SGSM1: variants seen among roughly 807,000 people sequenced by gnomAD.
SGSM1 encodes the protein RUN and TBC1 domain containing 2.
Under a neutral mutation model 133.8 loss-of-function variants are expected in SGSM1, and 73 were observed. The ratio of observed to expected loss-of-function variants is 0.55; its 90% CI spans 0.45 to 0.66. SGSM1 has a LOEUF of 0.66. Ranked by LOEUF, SGSM1 falls within the 30% of genes least tolerant of loss-of-function variation. SGSM1 has a pLI of 0.00. For synonymous variants in SGSM1, 563 were observed against 573.0 expected (o/e 0.98, Z 0.25); for missense variants, 1,213 against 1,448.1 (o/e 0.84, Z 2.64).
chr22:24,864,987 A>G (rs1683016744), intron 9 of SGSM1, among the ~76,000 whole-genome samples: 1 of 152,212 alleles, frequency 6.6e-6, no homozygotes. Context: ...GAATAAGCAT[A>G]TAGGGAGAAT....
intron 5 of SGSM1, among the ~76,000 whole-genome samples, chr22:24,853,699 C>A (rs905084630): frequency 6.6e-6 from 1 of 151,650 alleles, no homozygotes; most frequent in Non-Finnish European, 1.5e-5. Context: ...CTCCGCCTCC[C>A]AGGTTCACGC....
At chr22:24,886,385 AGC>A (rs1226142200) in intron 15 of SGSM1, among the ~76,000 whole-genome samples, 1 of 98,536 alleles carries the variant, frequency 1.0e-5, no homozygotes, top group African/African-American at 4.2e-5. Context: ...TGGGTGACAG[AGC>A]GCTCTGTCTC....
At chr22:24,882,370 C>T (rs1055220453) in intron 14 of SGSM1, among the ~76,000 whole-genome samples, 19 of 152,096 alleles carry the variant, frequency 1.2e-4, no homozygotes, top group Non-Finnish European at 1.8e-4. Flanking sequence ...GTGCCCCGCC[C>T]TGTTTTTTAT....
chr22:24,822,372 G>A (rs1047775787), intron 2 of SGSM1, among the ~76,000 whole-genome samples: 2 of 152,062 alleles, frequency 1.3e-5, no homozygotes, highest in South Asian at 2.1e-4. Context: ...GATTACAGGC[G>A]TGAGCCACCG....
At chr22:24,913,778 G>T (rs1225792699) in intron 22 of SGSM1, among the ~76,000 whole-genome samples, 1 of 152,204 alleles carries the variant, frequency 6.6e-6, no homozygotes, top group Admixed American at 6.5e-5. Flanking sequence ...CCAGCACTTT[G>T]GGAGGCAGAG....
intron 2 of SGSM1, among the ~76,000 whole-genome samples, chr22:24,839,798 A>G (rs1423466564): frequency 6.6e-6 from 1 of 152,038 alleles, no homozygotes; most frequent in Non-Finnish European, 1.5e-5. Context: ...TTCTCTTATA[A>G]TGGTTTTTTC....
intron 19 of SGSM1, among the ~76,000 whole-genome samples, chr22:24,899,325 A>C (rs907964406): frequency 6.6e-6 from 1 of 151,966 alleles, no homozygotes; most frequent in African/African-American, 2.4e-5. Context: ...CTGTGTGTCC[A>C]AGGACTTCTC....
chr22:24,924,281 C>T lies in SGSM1; in HGVS notation c.*7C>T, dbSNP rs756101598. ...TCTGATTGAGAACAAGTGAGGGGCA[C>T]CTCACCCCGGCAGCCTCAGCCAAGC... On this transcript the variant is annotated 3_prime_UTR_variant, in exon 25 of 25. Coordinates refer to ENST00000400358, the MANE Select transcript of SGSM1 (RefSeq NM_001098497.3). The T allele has an allele frequency of 1.3e-5, 21 of 1,613,120 alleles. No individual in the cohort carries two copies. Among genetic ancestry groups the T allele is most frequent in the Non-Finnish European group, 1.8e-5 (21 of 1,179,450 alleles).
At chr22:24,883,344 A>T (rs1355284019) in intron 14 of SGSM1, among the ~76,000 whole-genome samples, 2 of 152,212 alleles carry the variant, frequency 1.3e-5, no homozygotes, top group Admixed American at 6.5e-5. Flanking sequence ...ATTCAGCTGC[A>T]ATTTGAACAG....
chr22:24,894,994 GA>G (rs1341021501), intron 17 of SGSM1, among the ~76,000 whole-genome samples: 1 of 152,220 alleles, frequency 6.6e-6, no homozygotes, highest in Non-Finnish European at 1.5e-5. Flanking sequence ...TTGCAGAGGT[GA>G]GAGGTGGGAA....
At chr22:24,902,313 G>T (rs113741026) in intron 20 of SGSM1, among the ~76,000 whole-genome samples, 1 of 152,190 alleles carries the variant, frequency 6.6e-6, no homozygotes, top group African/African-American at 2.4e-5. Context: ...GTCTCTGGCT[G>T]TAGAATCTGT....
At chr22:24,842,605 G>C (rs1041524789) in intron 2 of SGSM1, among the ~76,000 whole-genome samples, 2 of 152,166 alleles carry the variant, frequency 1.3e-5, no homozygotes, top group Non-Finnish European at 2.9e-5. Context: ...CCCTCATGGG[G>C]ATCAGAGCCT....
chr22:24,840,977 A>C lies in SGSM1; in HGVS notation c.64-3920A>C, dbSNP rs1601910435. On this transcript the variant is annotated intron_variant, in intron 2 of 24. Coordinates refer to ENST00000400358, the MANE Select transcript of SGSM1 (RefSeq NM_001098497.3). ...ACCATTCTCTTGCCTCAGCCTCTCG[A>C]GTAGCTGGGACTACAGGCGCCCACC... 8.5e-5 allele frequency among the ~76,000 whole-genome samples: 13 copies of C among 152,182 alleles called. No homozygotes were observed. In the South Asian group the frequency reaches 2.7e-3, roughly 32 times the overall value.
intron 3 of SGSM1, among the ~76,000 whole-genome samples, chr22:24,845,959 T>TTCTTTCTTTCTC (rs1220332151): frequency 0.01 from 1,096 of 105,030 alleles, 32 homozygotes; most frequent in African/African-American, 0.033. Context: ...CTTTCTTTCT[T>TTCTTTCTTTCTC]TCTTTCTTTC....
intron 2 of SGSM1, chr22:24,844,115 C>T (rs1386610102): frequency 6.6e-6 from 1 of 152,186 alleles, no homozygotes; most frequent in East Asian, 1.9e-4. Flanking sequence ...GAGCATCTGC[C>T]CTGTGCCAGG....
chr22:24,850,507 G>A (rs184744304), intron 5 of SGSM1, 75 bp downstream of exon 5: 14 of 1,554,124 alleles, frequency 9.0e-6, no homozygotes, highest in African/African-American at 8.2e-5. Context: ...GCACCCCCTG[G>A]CACAAAGCTG....
At chr22:24,884,779 A>G (rs1372697026) in intron 15 of SGSM1, among the ~76,000 whole-genome samples, 2 of 152,170 alleles carry the variant, frequency 1.3e-5, no homozygotes, top group Non-Finnish European at 2.9e-5. Flanking sequence ...CCACAGCTTG[A>G]CTAATTGTAA....
At position 24,811,842 on chromosome 22, in the gene SGSM1, C is replaced by A. The variant is rs142682075; in HGVS notation, c.63+5358C>A. ...TGTGATCGCATCACTGCACTTCAGC[C>A]AAGGCAACAGAGCGAGACCCTGTCT... On this transcript the variant is annotated intron_variant, in intron 2 of 24. Transcript: ENST00000400358. Among the ~76,000 whole-genome samples, 702 of 135,360 alleles carry A rather than the reference C, an allele frequency of 5.2e-3. 4 individuals are homozygous for A. The highest frequency in any genetic ancestry group is 0.019 in the African/African-American group (659 of 34,890). 88.8% of individuals were successfully genotyped at this position (135,360 alleles called of 152,430 possible). A position where few individuals can be genotyped will look rare whatever the true frequency, so the allele number is the denominator to read the frequency against.
rs1420379512 is a variant in SGSM1 at position 24,825,210 on chromosome 22, A to G, written c.63+18726A>G. On this transcript the variant is annotated intron_variant, in intron 2 of 24. Coordinates refer to ENST00000400358, the MANE Select transcript of SGSM1 (RefSeq NM_001098497.3). ...AGCAATGGTATGGAAGTGAGCACATAGTGCCACCTTTGGGGACCAGGGCTG... is the reference window on the plus strand; with the variant it reads ...AGCAATGGTATGGAAGTGAGCACATGGTGCCACCTTTGGGGACCAGGGCTG... Among the ~76,000 whole-genome samples the G allele has an allele frequency of 3.9e-5, 6 of 152,148 alleles. No homozygotes were observed. In the South Asian group the frequency reaches 8.3e-4, roughly 21 times the overall value.
Sources: allele counts gnomAD v4.1 joint callset (sites outside exome capture counted in the v4.1 genomes callset), GRCh38; gene constraint gnomAD v4.1.1; transcripts MANE v1.5; gene names NCBI Gene and HGNC (gene_info 2026-07-23, HGNC 2026-07-21).